The following MYT1L variants were observed in gnomAD, a reference collection of about 807,000 sequenced individuals.
The protein encoded by MYT1L is myelin transcription factor 1 like, also known as myelin transcription factor 1-like protein.
Under a neutral mutation model 126.7 loss-of-function variants are expected in MYT1L, and 12 were observed. The ratio of observed to expected loss-of-function variants is 0.09; its 90% CI spans 0.06 to 0.15. The LOEUF (loss-of-function observed/expected upper bound fraction) is 0.15. Ranked by LOEUF, MYT1L falls within the 10% of genes least tolerant of loss-of-function variation. The pLI is 1.00. For missense variants in MYT1L, 979 were observed against 1,585.2 expected (o/e 0.62, Z 6.49); for synonymous variants, 541 against 604.2 (o/e 0.90, Z 1.53).
At chr2:1,825,153 C>T (rs1056769806) in intron 21 of MYT1L, 1 of 152,256 alleles carries the variant, frequency 6.6e-6, no homozygotes, top group Non-Finnish European at 1.5e-5. Context: ...CCCCTGCCTT[C>T]CTGATGGCGA....
At chr2:2,108,598 T>A (rs2079028324) in intron 3 of MYT1L, among the ~76,000 whole-genome samples, 1 of 152,242 alleles carries the variant, frequency 6.6e-6, no homozygotes, top group Non-Finnish European at 1.5e-5. Context: ...GTAAAAGGCA[T>A]TTCTTAGCAA....
At chr2:2,159,972 C>G (rs1196959374) in intron 3 of MYT1L, among the ~76,000 whole-genome samples, 1 of 152,086 alleles carries the variant, frequency 6.6e-6, no homozygotes, top group African/African-American at 2.4e-5. Flanking sequence ...GCGATAGCAC[C>G]CAGGTCTGTC....
chr2:2,136,815 C>T (rs1282206276), intron 3 of MYT1L, among the ~76,000 whole-genome samples: 3 of 152,138 alleles, frequency 2.0e-5, no homozygotes, highest in Admixed American at 1.3e-4. Flanking sequence ...TCCTATTCAA[C>T]ATAGTGTTGG....
chr2:1,874,951 C>T (rs922571480), intron 18 of MYT1L, among the ~76,000 whole-genome samples: 2 of 152,330 alleles, frequency 1.3e-5, no homozygotes, highest in East Asian at 1.9e-4. Flanking sequence ...CCTGGCGGCC[C>T]GTCTGCTGGC....
At chr2:1,874,190 C>CTT (rs5828881) in intron 18 of MYT1L, among the ~76,000 whole-genome samples, 3 of 148,026 alleles carry the variant, frequency 2.0e-5, no homozygotes, top group African/African-American at 4.9e-5. Flanking sequence ...AGGAAACGCT[C>CTT]TTTTTTTTTT....
chr2:2,240,629 C>T (rs1331475905), intron 2 of MYT1L, among the ~76,000 whole-genome samples: 3 of 152,190 alleles, frequency 2.0e-5, no homozygotes, highest in African/African-American at 4.8e-5. Context: ...TAATGCAGCT[C>T]TTACTTCCAT....
At chr2:1,864,534 G>A (rs975157262) in intron 18 of MYT1L, among the ~76,000 whole-genome samples, 24 of 152,190 alleles carry the variant, frequency 1.6e-4, no homozygotes, top group African/African-American at 4.1e-4. Flanking sequence ...CTCCCCAGGG[G>A]AGAGCTGGCC....
intron 21 of MYT1L, among the ~76,000 whole-genome samples, chr2:1,838,516 C>T (rs1048590853): frequency 6.6e-6 from 1 of 152,196 alleles, no homozygotes; most frequent in Admixed American, 6.5e-5. Flanking sequence ...CCCTCCACCT[C>T]CTCAAGGAAG....
rs56031283 is a variant in MYT1L, at chr2:1,850,957, G to A, written c.2774+684C>T. Among the ~76,000 whole-genome samples the A allele has an allele frequency of 9.6e-3, 1,459 of 152,206 alleles. 21 individuals are homozygous for A. Among genetic ancestry groups the A allele is most frequent in the African/African-American group, 0.033 (1,387 of 41,522 alleles). ...CTGGACCTCTTGCCCTGCCCACCCCGCTTGAATAGTCTGGTGTACCATCTT... is the reference window on the plus strand; with the variant it reads ...CTGGACCTCTTGCCCTGCCCACCCCACTTGAATAGTCTGGTGTACCATCTT... On this transcript the variant is annotated intron_variant, in intron 19 of 24. Transcript: ENST00000647738.
chr2:1,961,554 T>C (rs917995145), intron 8 of MYT1L, among the ~76,000 whole-genome samples: 1 of 152,238 alleles, frequency 6.6e-6, no homozygotes, highest in African/African-American at 2.4e-5. Flanking sequence ...GCTGGGCCTC[T>C]GCCATCGGGC....
chr2:2,003,971 A>AT (rs2062707229), intron 4 of MYT1L, among the ~76,000 whole-genome samples: 1 of 151,068 alleles, frequency 6.6e-6, no homozygotes, highest in Non-Finnish European at 1.5e-5. Flanking sequence ...TCTTTCCTGC[A>AT]GGCATTCTTT....
intron 23 of MYT1L, among the ~76,000 whole-genome samples, chr2:1,796,013 CG>C (rs1247525145): frequency 3.3e-5 from 5 of 152,112 alleles, no homozygotes; most frequent in African/African-American, 1.2e-4. Flanking sequence ...CTAAGAATGG[CG>C]TTTGCATTTT....
chr2:2,150,897 AGGAGGGAGGGAGGGAGAC>A (rs977471561), intron 3 of MYT1L, among the ~76,000 whole-genome samples: 3 of 113,580 alleles, frequency 2.6e-5, no homozygotes, highest in African/African-American at 1.1e-4. Context: ...AAGGAAGGGA[AGGAGGGAGGGAGGGAGAC>A]GGAGGGAGGG....
intron 1 of MYT1L, among the ~76,000 whole-genome samples, chr2:2,293,481 A>G (rs2095629132): frequency 6.6e-6 from 1 of 152,146 alleles, no homozygotes; most frequent in Non-Finnish European, 1.5e-5. Context: ...GTGGAGGGTG[A>G]TGGTGAGCAC....
chr2:1,975,820 T>C (rs985472736), intron 8 of MYT1L, among the ~76,000 whole-genome samples: 6 of 152,176 alleles, frequency 3.9e-5, no homozygotes, highest in Non-Finnish European at 8.8e-5. Flanking sequence ...GCTTAGATTG[T>C]GCCACTGCAC....
intron 1 of MYT1L, among the ~76,000 whole-genome samples, chr2:2,311,674 C>T (rs1157865196): frequency 6.6e-6 from 1 of 152,116 alleles, no homozygotes; most frequent in Non-Finnish European, 1.5e-5. Flanking sequence ...CTATGGCTGG[C>T]TCTTGGACAG....
intron 3 of MYT1L, among the ~76,000 whole-genome samples, chr2:2,121,675 C>A (rs952170542): frequency 6.6e-6 from 1 of 151,970 alleles, no homozygotes; most frequent in Non-Finnish European, 1.5e-5. Context: ...TTGGTAGAGA[C>A]GGGGTTTCAC....
chr2:2,053,450 C>T (rs1370426211), intron 4 of MYT1L, among the ~76,000 whole-genome samples: 1 of 152,052 alleles, frequency 6.6e-6, no homozygotes, highest in Non-Finnish European at 1.5e-5. Flanking sequence ...AAACAAAAGG[C>T]CATAACCTGA....
chr2:2,014,677 A>G (rs2064191507), intron 4 of MYT1L, among the ~76,000 whole-genome samples: 1 of 152,242 alleles, frequency 6.6e-6, no homozygotes, highest in African/African-American at 2.4e-5. Context: ...GAGCTCACAG[A>G]AGCAAAGAAA....
Sources: gnomAD v4.1 joint callset for allele counts (sites outside exome capture counted in the v4.1 genomes callset) on GRCh38, gnomAD v4.1.1 for gene constraint, MANE v1.5 for transcripts, NCBI Gene and HGNC (gene_info 2026-07-23, HGNC 2026-07-21) for gene names.